Variants in CACNB2 observed in about 807,000 individuals in gnomAD.
CACNB2 encodes voltage-dependent L-type calcium channel subunit beta-2.
CACNB2 carries 42 observed loss-of-function variants against 73.3 expected under a neutral mutation model. The observed-to-expected ratio is 0.57, with a 90% CI of 0.45 to 0.74. CACNB2 has a LOEUF of 0.74. CACNB2 is among the 30% of genes least tolerant of loss of function. The probability of loss-of-function intolerance (pLI) is 0.00; values close to 1 mark genes in which losing one functional copy is unlikely to be tolerated. For synonymous variants in CACNB2, 348 were observed against 310.3 expected (o/e 1.12, Z -1.28); for missense variants, 940 against 853.0 (o/e 1.10, Z -1.27).
intron 2 of CACNB2, among the ~76,000 whole-genome samples, chr10:18,223,264 T>C (rs1262283922): frequency 1.3e-5 from 2 of 152,200 alleles, no homozygotes; most frequent in African/African-American, 4.8e-5. Flanking sequence ...CTTCTATATA[T>C]GTAATACTGA....
intron 3 of CACNB2, among the ~76,000 whole-genome samples, chr10:18,409,314 A>AAAT (rs1359091984): frequency 4.7e-5 from 7 of 150,196 alleles, no homozygotes; most frequent in Admixed American, 1.3e-4. Flanking sequence ...AAAAAAAAAA[A>AAAT]AAAAGTAGAG....
chr10:18,465,837 C>T (rs549689887), intron 3 of CACNB2, among the ~76,000 whole-genome samples: 7 of 152,082 alleles, frequency 4.6e-5, no homozygotes, highest in African/African-American at 1.7e-4. Context: ...TCCACCACCT[C>T]GCCCAGCTAA....
chr10:18,286,245 A>G (rs111389553), intron 2 of CACNB2, among the ~76,000 whole-genome samples: 67 of 152,266 alleles, frequency 4.4e-4, no homozygotes, highest in South Asian at 8.3e-4. Flanking sequence ...TGCCGGGCGC[A>G]GTGGCTCACG....
chr10:18,260,141 G>C (rs1482019704), intron 2 of CACNB2, among the ~76,000 whole-genome samples: 5 of 152,150 alleles, frequency 3.3e-5, no homozygotes, highest in East Asian at 1.9e-4. Flanking sequence ...CCAATGAACA[G>C]CTGAATCTCC....
At chr10:18,464,835 T>C (rs1007832481) in intron 3 of CACNB2, among the ~76,000 whole-genome samples, 3 of 152,166 alleles carry the variant, frequency 2.0e-5, no homozygotes, top group African/African-American at 7.2e-5. Context: ...TTTAAAACTA[T>C]GTATTTAGTG....
At chr10:18,220,230 T>TAG (rs1352080814) in intron 2 of CACNB2, among the ~76,000 whole-genome samples, 18 of 34,450 alleles carry the variant, frequency 5.2e-4, no homozygotes, top group African/African-American at 1.0e-3. Context: ...TATATATATA[T>TAG]ATAGAGAGAG....
chr10:18,375,060 T>C (rs968241631), intron 2 of CACNB2, among the ~76,000 whole-genome samples: 1 of 152,000 alleles, frequency 6.6e-6, no homozygotes, highest in African/African-American at 2.4e-5. Flanking sequence ...TCTACAAAAA[T>C]TTAAAAAATT....
At chr10:18,236,718 C>G (rs2036459915) in intron 2 of CACNB2, among the ~76,000 whole-genome samples, 1 of 152,188 alleles carries the variant, frequency 6.6e-6, no homozygotes, top group Non-Finnish European at 1.5e-5. Context: ...AATCTACCTG[C>G]CATTTACCCC....
At chr10:18,513,656 A>G (rs539531281) in intron 6 of CACNB2, 5 of 240,882 alleles carry the variant, frequency 2.1e-5, no homozygotes, top group South Asian at 1.1e-4. Context: ...CATCATTTCC[A>G]TAGTCTAAAA....
At chr10:18,331,220 G>A in intron 2 of CACNB2, among the ~76,000 whole-genome samples, 1 of 149,662 alleles carries the variant, frequency 6.7e-6, no homozygotes, top group East Asian at 2.0e-4. Flanking sequence ...TCTTGACCTT[G>A]TGATCTGCCC....
chr10:18,517,070 T>A (rs1261257137), intron 7 of CACNB2, among the ~76,000 whole-genome samples: 2 of 152,226 alleles, frequency 1.3e-5, no homozygotes, highest in African/African-American at 2.4e-5. Flanking sequence ...TGGGCAATTT[T>A]AAGCAACAAT....
chr10:18,515,523 G>C (rs2051188864), intron 7 of CACNB2, among the ~76,000 whole-genome samples: 1 of 152,218 alleles, frequency 6.6e-6, no homozygotes. Flanking sequence ...TTGGTTTGTG[G>C]AGGAACTCAA....
intron 3 of CACNB2, among the ~76,000 whole-genome samples, chr10:18,492,620 CA>C (rs371407084): frequency 1.4e-3 from 125 of 90,466 alleles, no homozygotes; most frequent in African/African-American, 3.9e-3. Context: ...GACTCTGTCT[CA>C]AAAAAAAAAA....
At chr10:18,438,164 C>T (rs557505379) in intron 3 of CACNB2, among the ~76,000 whole-genome samples, 1 of 148,470 alleles carries the variant, frequency 6.7e-6, no homozygotes, top group South Asian at 2.2e-4. Flanking sequence ...ACTACAGCCG[C>T]CCGCCAGCAC....
At chr10:18,227,437 C>A (rs1343576320) in intron 2 of CACNB2, among the ~76,000 whole-genome samples, 1 of 152,036 alleles carries the variant, frequency 6.6e-6, no homozygotes. Flanking sequence ...TCGGAATGAA[C>A]TGATGGATGG....
intron 3 of CACNB2, among the ~76,000 whole-genome samples, chr10:18,492,347 G>A (rs1195461437): frequency 5.3e-5 from 8 of 152,292 alleles, no homozygotes; most frequent in South Asian, 2.1e-4. Context: ...CTGGCCGGGC[G>A]TGGTGGCTCA....
At chr10:18,490,108 G>T (rs1280072185) in intron 3 of CACNB2, among the ~76,000 whole-genome samples, 1 of 152,024 alleles carries the variant, frequency 6.6e-6, no homozygotes, top group Admixed American at 6.6e-5. Flanking sequence ...AAACTCCTCG[G>T]CTCAAGCAAT....
intron 2 of CACNB2, among the ~76,000 whole-genome samples, chr10:18,342,254 C>T (rs536271597): frequency 2.6e-5 from 4 of 152,180 alleles, no homozygotes; most frequent in African/African-American, 9.6e-5. Context: ...TTCCATTGGC[C>T]ATTTTGAATA....
In CACNB2 at chr10:18,220,142, T is replaced by TAC. The variant is rs2035684255; in HGVS notation, c.213+69168_213+69169insCA. 1.3e-4 allele frequency among the ~76,000 whole-genome samples: 5 copies of TAC among 38,828 alleles called. 1 individual carries two copies. Among genetic ancestry groups the TAC allele is most frequent in the Non-Finnish European group, 2.0e-4 (5 of 25,542 alleles). 25.5% of individuals were successfully genotyped at this position (38,828 alleles called of 152,430 possible). On this transcript the variant is annotated intron_variant, in intron 2 of 13. Transcript: ENST00000324631. ...ATATATATATATATATATATATATA[T>TAC]ATATATATATATACACACACACACA...
Sources: gnomAD v4.1 joint callset for allele counts (sites outside exome capture counted in the v4.1 genomes callset) on GRCh38, gnomAD v4.1.1 for gene constraint, MANE v1.5 for transcripts, NCBI Gene and HGNC (gene_info 2026-07-23, HGNC 2026-07-21) for gene names.